The following THSD4 variants were observed in gnomAD, a reference collection of about 807,000 sequenced individuals.
THSD4 encodes the protein thrombospondin type 1 domain containing 4.
In THSD4, 69 loss-of-function variants were observed where a neutral mutation model predicts 119.0. That is an observed-to-expected ratio of 0.58 (90% confidence interval 0.48 to 0.71). The LOEUF (loss-of-function observed/expected upper bound fraction) is 0.71, where lower values mean the gene tolerates loss of function less well. THSD4 is among the 30% of genes least tolerant of loss of function. THSD4 has a pLI of 0.00. For missense variants in THSD4, 1,393 were observed against 1,391.1 expected, an observed-to-expected ratio of 1.00 and a Z score of -0.02; for synonymous variants, 524 against 540.4, an observed-to-expected ratio of 0.97 and a Z score of 0.42.
chr15:71,771,963 G>A (rs931610230), intron 17 of THSD4, among the ~76,000 whole-genome samples: 5 of 152,166 alleles, frequency 3.3e-5, no homozygotes, highest in African/African-American at 9.7e-5. Flanking sequence ...GGGCAGATAG[G>A]AAGTGTGAGG....
At chr15:71,578,297 C>A (rs1158538070) in intron 7 of THSD4, among the ~76,000 whole-genome samples, 1 of 151,754 alleles carries the variant, frequency 6.6e-6, no homozygotes, top group African/African-American at 2.4e-5. Flanking sequence ...GTAGCTAGCA[C>A]CAACATCTGG....
At chr15:71,310,447 A>G (rs748367389) in intron 6 of THSD4, among the ~76,000 whole-genome samples, 2 of 152,230 alleles carry the variant, frequency 1.3e-5, no homozygotes, top group South Asian at 2.1e-4. Flanking sequence ...AAAAGTGTCC[A>G]TATTTTTAAA....
rs1447494357 is a variant in THSD4, at chr15:71,771,108, G to A, written c.2814G>A (p.Arg938=). Residue 938 remains arginine (R), a synonymous_variant, in exon 17 of 18, where the codon CGG becomes CGA. Transcript: ENST00000261862. The part of the protein sequence containing the change: ...CQGGFRVREV[R]CLSDDMTLSN... Reference sequence around the variant, plus strand: ...GTGGCTTTCGGGTCCGGGAAGTGCGGTGTCTGTCTGATGACATGACTCTAA... The same window carrying A: ...GTGGCTTTCGGGTCCGGGAAGTGCGATGTCTGTCTGATGACATGACTCTAA... The A allele has an allele frequency of 1.2e-6, 2 of 1,614,102 alleles. No individual in the cohort carries two copies. Among genetic ancestry groups the A allele is most frequent in the Non-Finnish European group, 1.7e-6 (2 of 1,180,046 alleles).
intron 6 of THSD4, among the ~76,000 whole-genome samples, chr15:71,288,256 A>T (rs2044745145): frequency 6.6e-6 from 1 of 152,206 alleles, no homozygotes; most frequent in Admixed American, 6.5e-5. Context: ...TTATCCTGTC[A>T]TTTTGATCCA....
At chr15:71,148,107 A>T (rs761580762) in intron 2 of THSD4, among the ~76,000 whole-genome samples, 1 of 152,192 alleles carries the variant, frequency 6.6e-6, no homozygotes, top group Non-Finnish European at 1.5e-5. Flanking sequence ...TTTGCAGTTA[A>T]AATATGTGTC....
chr15:71,636,977 C>T (rs2050757761), intron 7 of THSD4, among the ~76,000 whole-genome samples: 2 of 151,172 alleles, frequency 1.3e-5, no homozygotes, highest in African/African-American at 4.9e-5. Context: ...CTCCACCTCC[C>T]GAGTTCAAGT....
chr15:71,734,458 G>A (rs979567816), intron 10 of THSD4, among the ~76,000 whole-genome samples: 1 of 152,152 alleles, frequency 6.6e-6, no homozygotes, highest in African/African-American at 2.4e-5. Flanking sequence ...AAACTATGGA[G>A]ACAGTAAAAA....
chr15:71,365,062 A>C (rs894730700), intron 6 of THSD4, among the ~76,000 whole-genome samples: 2 of 151,920 alleles, frequency 1.3e-5, no homozygotes, highest in Admixed American at 1.3e-4. Flanking sequence ...TGATACAAAA[A>C]TCATTTATCA....
intron 8 of THSD4, among the ~76,000 whole-genome samples, chr15:71,714,540 A>G (rs2052570664): frequency 6.6e-6 from 1 of 152,142 alleles, no homozygotes; most frequent in South Asian, 2.1e-4. Context: ...TTGCCTTGGC[A>G]TTTTCTTTTC....
chr15:71,623,752 A>G (rs1209489939), intron 7 of THSD4, among the ~76,000 whole-genome samples: 3 of 152,044 alleles, frequency 2.0e-5, no homozygotes, highest in Non-Finnish European at 2.9e-5. Context: ...GTGACACCCC[A>G]TCTCTACTAA....
chr15:71,222,513 C>T (rs1161673885), intron 4 of THSD4, among the ~76,000 whole-genome samples: 2 of 152,176 alleles, frequency 1.3e-5, no homozygotes, highest in Non-Finnish European at 2.9e-5. Context: ...CTTTCTTCTC[C>T]TGGAGACAGC....
chr15:71,732,128 C>T (rs2052991681), intron 10 of THSD4: 1 of 152,230 alleles, frequency 6.6e-6, no homozygotes, highest in African/African-American at 2.4e-5. Context: ...CCAGGATAAT[C>T]TCTCCTTCTC....
chr15:71,241,616 G>A (rs904651932), intron 4 of THSD4, among the ~76,000 whole-genome samples: 1 of 152,158 alleles, frequency 6.6e-6, no homozygotes, highest in Non-Finnish European at 1.5e-5. Flanking sequence ...GTTTTTACCT[G>A]CTCACCAGAG....
At chr15:71,565,688 A>G (rs2049223229) in intron 7 of THSD4, among the ~76,000 whole-genome samples, 1 of 152,128 alleles carries the variant, frequency 6.6e-6, no homozygotes, top group Non-Finnish European at 1.5e-5. Context: ...TTTAAGTTTA[A>G]TTGCAAACAA....
At chr15:71,669,991 G>A (rs2051490968) in intron 8 of THSD4, among the ~76,000 whole-genome samples, 1 of 152,194 alleles carries the variant, frequency 6.6e-6, no homozygotes, top group African/African-American at 2.4e-5. Context: ...TGTTTAGTTT[G>A]CCTTGCAATT....
chr15:71,476,826 T>A (rs2047661448), intron 7 of THSD4, among the ~76,000 whole-genome samples: 1 of 152,098 alleles, frequency 6.6e-6, no homozygotes, highest in African/African-American at 2.4e-5. Flanking sequence ...TCCCTCAGAC[T>A]CTTCAAGAAA....
At chr15:71,437,570 G>A (rs988669877) in intron 7 of THSD4, among the ~76,000 whole-genome samples, 1 of 152,176 alleles carries the variant, frequency 6.6e-6, no homozygotes, top group East Asian at 1.9e-4. Context: ...AAAGGGAGGT[G>A]GAGGTAGGGT....
At chr15:71,227,260 G>A (rs1397408211) in intron 4 of THSD4, among the ~76,000 whole-genome samples, 3 of 152,122 alleles carry the variant, frequency 2.0e-5, no homozygotes, top group East Asian at 1.9e-4. Flanking sequence ...GATCACATTC[G>A]CCGTAAGAAT....
At chr15:71,567,774 AGAGT>A (rs2049271471) in intron 7 of THSD4, among the ~76,000 whole-genome samples, 5 of 133,742 alleles carry the variant, frequency 3.7e-5, no homozygotes, top group African/African-American at 8.0e-5. Flanking sequence ...AAAGAGAGAG[AGAGT>A]GTGTGTGTGT....
Sources: allele counts gnomAD v4.1 joint callset (sites outside exome capture counted in the v4.1 genomes callset), GRCh38; gene constraint gnomAD v4.1.1; transcripts MANE v1.5; gene names NCBI Gene and HGNC (gene_info 2026-07-23, HGNC 2026-07-21).